EVC2: variants seen among roughly 807,000 people sequenced by gnomAD.
The protein encoded by EVC2 is EvC ciliary complex subunit 2.
EVC2 carries 148 observed loss-of-function variants against 149.3 expected under a neutral mutation model. That is an observed-to-expected ratio of 0.99 (90% CI 0.87 to 1.14). The LOEUF is 1.14. Among genes scored for constraint, EVC2 ranks in the 50% most tolerant of loss-of-function variants. EVC2 has a pLI of 0.00. For missense variants in EVC2, 1,854 were observed against 1,627.3 expected, an observed-to-expected ratio of 1.14 and a Z score of -2.40; for synonymous variants, 776 against 649.9, an observed-to-expected ratio of 1.19 and a Z score of -2.95.
rs140010437 is a variant in EVC2, at chr4:5,625,941, G to A, written c.1887-33C>T. On this transcript the variant is annotated intron_variant, in intron 12 of 21. Coordinates refer to ENST00000344408, the MANE Select transcript of EVC2 (RefSeq NM_147127.5). This position sits in a 1 kb window ranked among gnomAD's most constrained non-coding sequence, Gnocchi z 4.0. Reference sequence around the variant, plus strand: ...GAAAGGATGTAAAGTTAGGAATGTGGTCTCCAAACTCACCTGTAGCTTAAC... The same window carrying A: ...GAAAGGATGTAAAGTTAGGAATGTGATCTCCAAACTCACCTGTAGCTTAAC... 21 of 1,612,862 alleles carry A rather than the reference G, an allele frequency of 1.3e-5. No homozygotes were observed. The South Asian group carries it at 2.2e-4, about 17-fold the overall frequency.
Position 5,568,460 on chromosome 4 carries a change from C to T in EVC2, c.3541G>A (p.Asp1181Asn), listed in dbSNP as rs1336547993. Residue 1181 changes from aspartate to asparagine, a missense_variant, in exon 20 of 22, where the codon GAC (aspartate) becomes AAC (asparagine). Coordinates refer to ENST00000344408, the MANE Select transcript of EVC2 (RefSeq NM_147127.5). The stretch of plus-strand genomic sequence containing the variant: ...GGCACTCACCTCCGCCTGCCCACGT[C>T]GGCCTGCTCCGCTCCGCCATCGCTC... ...AESDGGAEQA[D>N]VGRRRKHQSW... is the part of the protein sequence containing the mutation. 3.8e-6 allele frequency: 6 copies of T among 1,564,398 alleles called. No individual in the cohort carries two copies. Among genetic ancestry groups the T allele is most frequent in the South Asian group, 1.2e-5 (1 of 85,400 alleles).
At chr4:5,649,035 C>A (rs1438007370) in intron 9 of EVC2, among the ~76,000 whole-genome samples, 2 of 152,150 alleles carry the variant, frequency 1.3e-5, no homozygotes, top group Non-Finnish European at 2.9e-5. Context: ...ATTATTCAGA[C>A]AACAATGAAA....
intron 7 of EVC2, among the ~76,000 whole-genome samples, chr4:5,666,534 C>T (rs1719296123): frequency 6.6e-6 from 1 of 152,128 alleles, no homozygotes; most frequent in African/African-American, 2.4e-5. Context: ...CATGGCCTAT[C>T]TTTTTTCTTC....
In EVC2 at chr4:5,597,406, G is replaced by C. The variant is rs189363619; in HGVS notation, c.2830-12556C>G. 3.6e-3 allele frequency among the ~76,000 whole-genome samples: 544 copies of C among 152,212 alleles called. 1 individual carries two copies. The highest frequency in any genetic ancestry group is 0.013 in the African/African-American group (528 of 41,540). On this transcript the variant is annotated intron_variant, in intron 16 of 21. Transcript: ENST00000344408. ...GCTTCATCCCTGGGATGGAAGGCTGGTTCAATATATGCAAATCAATAAATG... is the reference window on the plus strand; with the variant it reads ...GCTTCATCCCTGGGATGGAAGGCTGCTTCAATATATGCAAATCAATAAATG...
rs1722102165 is a variant in EVC2, at chr4:5,563,871, TGCG to T, written c.3660-759_3660-757del. Among the ~76,000 whole-genome samples the T allele has an allele frequency of 2.0e-5, 3 of 151,798 alleles. No homozygotes were observed. The South Asian group carries it at 6.3e-4, about 32-fold the overall frequency. On this transcript the variant is annotated intron_variant, in intron 21 of 21. Transcript: ENST00000344408. ...GGCAACAGTTAGAAGTCAGGCAAAA[TGCG>T]TTTGCCATAGAAGAGTGTGGCACAC...
In EVC2 at chr4:5,636,572, G is replaced by T. The variant is rs1192088322; in HGVS notation, c.1470+3942C>A. Among the ~76,000 whole-genome samples, 3 of 152,116 alleles carry T rather than the reference G, an allele frequency of 2.0e-5. No homozygotes were observed. Among genetic ancestry groups the T allele is most frequent in the African/African-American group, 4.8e-5 (2 of 41,406 alleles). On this transcript the variant is annotated intron_variant, in intron 10 of 21. Coordinates refer to ENST00000344408, the MANE Select transcript of EVC2 (RefSeq NM_147127.5). The surrounding 1 kb of genome is among the most constrained non-coding windows in gnomAD (Gnocchi z 4.6). Reference sequence around the variant, plus strand: ...CAGAGGTGATTTAAAGTATACAGGAGCATTTGTGTAGGTTATGTGCAAATA... The same window carrying T: ...CAGAGGTGATTTAAAGTATACAGGATCATTTGTGTAGGTTATGTGCAAATA...
At chr4:5,671,278 G>A (rs111631559) in intron 7 of EVC2, among the ~76,000 whole-genome samples, 31 of 152,252 alleles carry the variant, frequency 2.0e-4, no homozygotes, top group African/African-American at 6.7e-4. Context: ...GCCTCTCCTA[G>A]GCTGGCCCTT....
Position 5,654,697 on chromosome 4 carries a change from T to C in EVC2, c.1145+8410A>G, listed in dbSNP as rs1223456790. On this transcript the variant is annotated intron_variant, in intron 9 of 21. Coordinates refer to ENST00000344408, the MANE Select transcript of EVC2 (RefSeq NM_147127.5). Reference sequence around the variant, plus strand: ...ATAGGCTTGGCCTGGGCGTGCATGGTTAATCCATGCATGGTTAATCCACGT... The same window carrying C: ...ATAGGCTTGGCCTGGGCGTGCATGGCTAATCCATGCATGGTTAATCCACGT... Among the ~76,000 whole-genome samples the C allele has an allele frequency of 2.6e-5, 4 of 151,996 alleles. No individual in the cohort carries two copies. The East Asian group carries it at 7.7e-4, about 29-fold the overall frequency.
chr4:5,611,257 C>T (rs955583233), intron 16 of EVC2, among the ~76,000 whole-genome samples: 1 of 152,134 alleles, frequency 6.6e-6, no homozygotes, highest in South Asian at 2.1e-4. Context: ...TGGGCACTAA[C>T]CTTTTTGAGC....
intron 8 of EVC2, 121 bp from the exon 9 acceptor site, chr4:5,663,367 T>C: frequency 7.5e-7 from 1 of 1,338,372 alleles, no homozygotes; most frequent in Non-Finnish European, 1.1e-6. Context: ...CCCACCACTG[T>C]GACCACAGTA....
At chr4:5,549,943 T>C (rs566095946) in intron 21 of EVC2, among the ~76,000 whole-genome samples, 8 of 152,336 alleles carry the variant, frequency 5.3e-5, no homozygotes, top group Admixed American at 2.6e-4. Flanking sequence ...AATGGGAGTT[T>C]GCCTGCACAA....
At chr4:5,598,411 G>T (rs1243458271) in intron 16 of EVC2, among the ~76,000 whole-genome samples, 64 of 151,086 alleles carry the variant, frequency 4.2e-4, no homozygotes, top group African/African-American at 1.5e-3. Flanking sequence ...CAGAAATAAT[G>T]CCGCATATCT....
intron 19 of EVC2, among the ~76,000 whole-genome samples, chr4:5,570,152 C>T (rs1252381192): frequency 2.6e-5 from 4 of 152,114 alleles, no homozygotes; most frequent in Non-Finnish European, 5.9e-5. Context: ...TGGAACTAGG[C>T]TCTTAGGATG....
At chr4:5,630,442 G>A (rs10018800) in intron 11 of EVC2, among the ~76,000 whole-genome samples, 52,615 of 152,004 alleles carry the variant, frequency 0.35, 9,673 homozygotes, top group East Asian at 0.62. Context: ...ACAGAGGCTG[G>A]TCATAAGCCC....
Position 5,565,241 on chromosome 4 carries a change from CAGG to C in EVC2, c.3659+14_3659+16del. 1.2e-6 allele frequency: 2 copies of C among 1,612,472 alleles called. No homozygotes were observed. Among genetic ancestry groups the C allele is most frequent in the Non-Finnish European group, 1.7e-6 (2 of 1,178,790 alleles). On this transcript the variant is annotated intron_variant, in intron 21 of 21. Transcript: ENST00000344408. Reference sequence around the variant, plus strand: ...CTCACCCCCTCCCCAGCCACATGAGCAGGTGCCCATCATTACCTCTGCTTTCTC... The same window carrying C: ...CTCACCCCCTCCCCAGCCACATGAGCTGCCCATCATTACCTCTGCTTTCTC...
At chr4:5,695,684 G>C (rs1030994785) in intron 2 of EVC2, among the ~76,000 whole-genome samples, 1 of 152,196 alleles carries the variant, frequency 6.6e-6, no homozygotes, top group Non-Finnish European at 1.5e-5. Flanking sequence ...CTTCAAGTCA[G>C]CAATTTTAGT....
rs1431675407 is a variant in EVC2, at chr4:5,640,794, G to T, written c.1190C>A (p.Ala397Asp). Residue 397 changes from alanine to aspartate, a missense_variant, in exon 10 of 22, where the codon GCT (alanine) becomes GAT (aspartate). Coordinates refer to ENST00000344408, the MANE Select transcript of EVC2 (RefSeq NM_147127.5). This position sits in a 1 kb window ranked among gnomAD's most constrained non-coding sequence, Gnocchi z 4.6. ...ATCCTTGCTGATTTGTGTTCGACAA[G>T]CCTCCAGATCTGCATCTGCCCGATT... is the stretch of plus-strand genomic sequence containing the variant. ...TLNRADADLE[A>D]CRTQISKDII... 1.9e-6 allele frequency: 3 copies of T among 1,614,068 alleles called. No individual in the cohort carries two copies. The highest frequency in any genetic ancestry group is 2.5e-6 in the Non-Finnish European group (3 of 1,180,042).
rs1716566409 is a variant in EVC2, at chr4:5,631,912, C to T, written c.1591G>A (p.Val531Ile). The T allele has an allele frequency of 5.6e-6, 9 of 1,614,178 alleles. No individual in the cohort carries two copies. Among genetic ancestry groups the T allele is most frequent in the Non-Finnish European group, 7.6e-6 (9 of 1,180,010 alleles). Reference protein sequence around the residue: ...DFAKAHRQLAVFQRNELHSIF... With the variant: ...DFAKAHRQLAIFQRNELHSIF... ...CTGTGCAGTTCATTTCTCTGGAAAA[C>T]AGCCAGCTGTCTGTGAGCTTTGGCA... Residue 531 changes from valine to isoleucine, a missense_variant, in exon 11 of 22, where the codon GTT (valine) becomes ATT (isoleucine). Coordinates refer to ENST00000344408, the MANE Select transcript of EVC2 (RefSeq NM_147127.5).
At chr4:5,643,028 G>A (rs964455167) in intron 9 of EVC2, among the ~76,000 whole-genome samples, 1 of 152,198 alleles carries the variant, frequency 6.6e-6, no homozygotes, top group Non-Finnish European at 1.5e-5. Context: ...ACAGATGTGT[G>A]TATGTCTATC....
Sources: allele counts gnomAD v4.1 joint callset (sites outside exome capture counted in the v4.1 genomes callset), GRCh38; gene constraint gnomAD v4.1.1; non-coding constraint Gnocchi (gnomAD v3.1); transcripts MANE v1.5; gene names NCBI Gene and HGNC (gene_info 2026-07-23, HGNC 2026-07-21).